The following SIDT1 variants were observed in gnomAD, a reference collection of about 807,000 sequenced individuals.
SIDT1 encodes the protein SID1 transmembrane family member 1.
Under a neutral mutation model 107.5 loss-of-function variants are expected in SIDT1, and 101 were observed. The observed-to-expected ratio is 0.94, with a 90% CI of 0.80 to 1.11. SIDT1 has a LOEUF of 1.11. Among genes scored for constraint, SIDT1 ranks in the 50% least tolerant of loss-of-function variants. The probability of loss-of-function intolerance (pLI) is 0.00; values close to 1 mark genes in which losing one functional copy is unlikely to be tolerated. For missense variants in SIDT1, 1,076 were observed against 1,058.2 expected (o/e 1.02, Z -0.23); for synonymous variants, 395 against 398.2 (o/e 0.99, Z 0.10).
At chr3:113,571,697 AC>A (rs1452025327) in intron 3 of SIDT1, among the ~76,000 whole-genome samples, 1 of 152,186 alleles carries the variant, frequency 6.6e-6, no homozygotes, top group African/African-American at 2.4e-5. Context: ...ACTTTGGGAG[AC>A]CAAGGCGGGC....
At chr3:113,604,083 T>A in intron 13 of SIDT1, 50 bp downstream of exon 13, 29 of 1,346,356 alleles carry the variant, frequency 2.2e-5, no homozygotes, top group Non-Finnish European at 3.0e-5. Flanking sequence ...AACATAGTTT[T>A]CTTAGTCAGA....
At position 113,620,055 on chromosome 3, in the gene SIDT1, AATAG is replaced by A. The variant is rs746867291; in HGVS notation, c.2090+353_2090+356del. 529 of 191,156 alleles carry A rather than the reference AATAG, an allele frequency of 2.8e-3. 3 individuals are homozygous for A. The highest frequency in any genetic ancestry group is 0.011 in the East Asian group (77 of 7,296). 11.8% of individuals were successfully genotyped at this position (191,156 alleles called of 1,614,324 possible). A position where few individuals can be genotyped will look rare whatever the true frequency, so the allele number is the denominator to read the frequency against. On this transcript the variant is annotated intron_variant, in intron 21 of 24. Transcript: ENST00000264852. ...TAGATAGATAGATAGATGATAGATA[AATAG>A]ATAGATAGATAGATAGATAGATAAT...
At chr3:113,632,366 A>G (rs1947100246), downstream of SIDT1, among the ~76,000 whole-genome samples, 1 of 152,164 alleles carries the variant, frequency 6.6e-6, no homozygotes, top group Admixed American at 6.5e-5. Context: ...GTGCTACAAC[A>G]TTACCATCCC....
At chr3:113,553,784 G>A (rs375989499) in intron 1 of SIDT1, among the ~76,000 whole-genome samples, 8 of 152,286 alleles carry the variant, frequency 5.3e-5, no homozygotes, top group Admixed American at 6.5e-5. Context: ...GGTGGCTCAC[G>A]CCTGTAATCC....
intron 1 of SIDT1, among the ~76,000 whole-genome samples, chr3:113,545,448 A>C (rs2107623042): frequency 6.6e-6 from 1 of 152,264 alleles, no homozygotes. Context: ...TCTTGTTATA[A>C]ACAACCTACC....
downstream of SIDT1, chr3:113,633,135 G>C (rs1475375474): frequency 1.3e-5 from 2 of 152,062 alleles, no homozygotes; most frequent in Non-Finnish European, 2.9e-5. Flanking sequence ...TTTGGTTCTG[G>C]AGGCCTCCCT....
chr3:113,557,899 G>C (rs1490569368), intron 1 of SIDT1, among the ~76,000 whole-genome samples: 1 of 152,202 alleles, frequency 6.6e-6, no homozygotes, highest in Non-Finnish European at 1.5e-5. Flanking sequence ...GAGAAATGGA[G>C]AAATGAGCTA....
At chr3:113,597,008 C>T (rs1944606474) in intron 10 of SIDT1, among the ~76,000 whole-genome samples, 1 of 152,184 alleles carries the variant, frequency 6.6e-6, no homozygotes, top group African/African-American at 2.4e-5. Context: ...GAACGCAGGC[C>T]ATTCAGTGAC....
chr3:113,584,638 C>T (rs1553795689), intron 7 of SIDT1, 60 bp from the exon 8 acceptor site: 2 of 1,219,976 alleles, frequency 1.6e-6, no homozygotes, highest in Non-Finnish European at 2.3e-6. Flanking sequence ...GACAAGAGAC[C>T]AAAAAAAATC....
chr3:113,585,148 C>T (rs748535908), intron 8 of SIDT1, 29 bp from the exon 9 acceptor site: 10 of 1,525,498 alleles, frequency 6.6e-6, no homozygotes, highest in African/African-American at 2.7e-5. Context: ...CAGAGGATGA[C>T]CTGACCAAAG....
chr3:113,576,996 AC>A (rs1942957986), intron 4 of SIDT1, 29 bp downstream of exon 4: 1 of 1,610,172 alleles, frequency 6.2e-7, no homozygotes, highest in African/African-American at 1.3e-5. Context: ...AGAGTTATCA[AC>A]ATCCTACCTG....
At chr3:113,616,947 C>A (rs1313681912) in intron 20 of SIDT1, among the ~76,000 whole-genome samples, 1 of 152,124 alleles carries the variant, frequency 6.6e-6, no homozygotes, top group African/African-American at 2.4e-5. Flanking sequence ...CTTGGCCTCC[C>A]AAAGTGCTGG....
At chr3:113,535,689 A>G (rs532828027) in intron 1 of SIDT1, among the ~76,000 whole-genome samples, 2 of 152,360 alleles carry the variant, frequency 1.3e-5, no homozygotes, top group African/African-American at 4.8e-5. Context: ...GGAGATAACA[A>G]GAATTTCAAT....
At chr3:113,538,831 G>A (rs570981770) in intron 1 of SIDT1, among the ~76,000 whole-genome samples, 2 of 152,208 alleles carry the variant, frequency 1.3e-5, no homozygotes, top group South Asian at 2.1e-4. Flanking sequence ...TTTCAGATAC[G>A]GAAAAATATA....
chr3:113,552,667 G>C (rs1940397630), intron 1 of SIDT1, among the ~76,000 whole-genome samples: 1 of 152,140 alleles, frequency 6.6e-6, no homozygotes, highest in African/African-American at 2.4e-5. Flanking sequence ...ACTGCCACTA[G>C]ATATGGTCAC....
Position 113,564,037 on chromosome 3 carries a change from C to T in SIDT1, c.223-2383C>T, listed in dbSNP as rs149008655. On this transcript the variant is annotated intron_variant, in intron 1 of 24. Coordinates refer to ENST00000264852, the MANE Select transcript of SIDT1 (RefSeq NM_017699.3). ...GATCTCAGCTCACCGCAACCTCTGC[C>T]TCCTGGGTTCAAGCGATTCTCCTGC... Among the ~76,000 whole-genome samples, 74 of 152,278 alleles carry T rather than the reference C, an allele frequency of 4.9e-4. 1 individual carries two copies. The highest frequency in any genetic ancestry group is 1.7e-3 in the African/African-American group (69 of 41,546).
At chr3:113,566,094 A>G (rs899499370) in intron 1 of SIDT1, among the ~76,000 whole-genome samples, 3 of 152,210 alleles carry the variant, frequency 2.0e-5, no homozygotes, top group Non-Finnish European at 2.9e-5. Flanking sequence ...TGAAGACTTT[A>G]TAATTTGGTC....
At chr3:113,620,728 T>C (rs1449919139) in intron 21 of SIDT1, among the ~76,000 whole-genome samples, 2 of 152,168 alleles carry the variant, frequency 1.3e-5, no homozygotes, top group East Asian at 3.9e-4. Context: ...AGAGGATTCT[T>C]GGGCAGTGGT....
chr3:113,532,951 G>T lies in SIDT1; in HGVS notation c.-71G>T. On this transcript the variant is annotated 5_prime_UTR_variant, in exon 1 of 25. Transcript: ENST00000264852. ...GACGCCTGGCCCTGCACCGGGCTTT[G>T]GAAGGACCCTCTCTGCGCTCGCCCC... The T allele has an allele frequency of 9.0e-7, 1 of 1,105,344 alleles. No homozygotes were observed. The highest frequency in any genetic ancestry group is 1.2e-6 in the Non-Finnish European group (1 of 849,824). 68.5% of individuals were successfully genotyped at this position (1,105,344 alleles called of 1,614,324 possible).
Sources: gnomAD v4.1 joint callset for allele counts (sites outside exome capture counted in the v4.1 genomes callset) on GRCh38, gnomAD v4.1.1 for gene constraint, MANE v1.5 for transcripts, NCBI Gene and HGNC (gene_info 2026-07-23, HGNC 2026-07-21) for gene names.